LRP1B: variants seen among roughly 807,000 people sequenced by gnomAD.
LRP1B encodes low-density lipoprotein receptor-related protein 1B.
LRP1B carries 217 observed loss-of-function variants against 556.6 expected under a neutral mutation model. The observed-to-expected ratio is 0.39, with a 90% CI of 0.35 to 0.44. The LOEUF is 0.44. Ranked by LOEUF, LRP1B falls within the 20% of genes least tolerant of loss-of-function variation. The pLI is 1.00. For synonymous variants in LRP1B, 2,047 were observed against 1,865.8 expected (o/e 1.10, Z -2.50); for missense variants, 5,053 against 5,620.8 (o/e 0.90, Z 3.23).
intron 18 of LRP1B, among the ~76,000 whole-genome samples, chr2:140,976,503 C>CTTTTTTTTTTTT (rs1216208854): frequency 1.9e-5 from 2 of 105,356 alleles, no homozygotes; most frequent in African/African-American, 4.0e-5. Context: ...TTTTTTTTTC[C>CTTTTTTTTTTTT]TTTTTTTTTT....
intron 7 of LRP1B, among the ~76,000 whole-genome samples, chr2:141,094,650 A>G (rs1228514805): frequency 2.2e-4 from 34 of 152,306 alleles, no homozygotes; most frequent in Admixed American, 2.2e-3. Context: ...CTTCTCTAAG[A>G]TGTGGCATTG....
intron 11 of LRP1B, among the ~76,000 whole-genome samples, chr2:141,042,286 TTG>T (rs1698724932): frequency 6.6e-6 from 1 of 152,210 alleles, no homozygotes; most frequent in East Asian, 1.9e-4. Flanking sequence ...GGCATGCTTA[TTG>T]TTAAGAGAAA....
intron 35 of LRP1B, among the ~76,000 whole-genome samples, chr2:140,754,038 C>T (rs575529629): frequency 6.6e-6 from 1 of 152,248 alleles, no homozygotes; most frequent in African/African-American, 2.4e-5. Context: ...AACATCCTGC[C>T]TACTGCCAGA....
chr2:141,918,299 G>C (rs1700091764), intron 1 of LRP1B, among the ~76,000 whole-genome samples: 1 of 151,812 alleles, frequency 6.6e-6, no homozygotes, highest in Non-Finnish European at 1.5e-5. Flanking sequence ...CCTAAAAAAA[G>C]AAAATCAACT....
At chr2:140,829,087 G>A (rs1351702110) in intron 31 of LRP1B, among the ~76,000 whole-genome samples, 1 of 151,986 alleles carries the variant, frequency 6.6e-6, no homozygotes, top group Non-Finnish European at 1.5e-5. Flanking sequence ...TTTAACAATT[G>A]TAAATATATA....
At chr2:141,519,172 A>G (rs1397389356) in intron 2 of LRP1B, among the ~76,000 whole-genome samples, 1 of 151,858 alleles carries the variant, frequency 6.6e-6, no homozygotes, top group Non-Finnish European at 1.5e-5. Context: ...TACATTAGCT[A>G]AAAGGATTCA....
chr2:140,404,718 CAAGAT>C (rs2105235171), intron 66 of LRP1B, among the ~76,000 whole-genome samples: 1 of 152,144 alleles, frequency 6.6e-6, no homozygotes, highest in Admixed American at 6.5e-5. Context: ...CATATAAACT[CAAGAT>C]AAGGGGTAAA....
intron 14 of LRP1B, among the ~76,000 whole-genome samples, chr2:141,009,191 T>C (rs1301880984): frequency 6.7e-6 from 1 of 149,470 alleles, no homozygotes; most frequent in Non-Finnish European, 1.5e-5. Flanking sequence ...GGGATTCTCT[T>C]TTTTTTTTTT....
At chr2:142,038,585 T>C (rs1484774957) in intron 1 of LRP1B, among the ~76,000 whole-genome samples, 1 of 151,600 alleles carries the variant, frequency 6.6e-6, no homozygotes, top group Admixed American at 6.6e-5. Context: ...TAAGTTTCAC[T>C]TGACATGGGA....
intron 68 of LRP1B, 45 bp from the exon 69 acceptor site, chr2:140,373,182 A>C: frequency 6.6e-7 from 1 of 1,504,346 alleles, no homozygotes; most frequent in Non-Finnish European, 9.2e-7. Flanking sequence ...AATTTTAGAA[A>C]CACTTCTACA....
At chr2:141,976,206 T>G (rs1277167876) in intron 1 of LRP1B, among the ~76,000 whole-genome samples, 1 of 152,248 alleles carries the variant, frequency 6.6e-6, no homozygotes, top group East Asian at 1.9e-4. Flanking sequence ...TATAGGAATA[T>G]TTTTTGATTG....
rs1700323429 is a variant in LRP1B at position 141,096,661 on chromosome 2, A to AGAGAGAGAGAGAGAGAGG, written c.1014-34389_1014-34388insCCTCTCTCTCTCTCTCTC. On this transcript the variant is annotated intron_variant, in intron 7 of 90. Transcript: ENST00000389484. ...GAGAGAGAGAGAGAGAGAGAGAGAG[A>AGAGAGAGAGAGAGAGAGG]GAGAGAGAGAGAGAGAGAGAGAGAG... Among the ~76,000 whole-genome samples, 9 of 84,724 alleles carry AGAGAGAGAGAGAGAGAGG rather than the reference A, an allele frequency of 1.1e-4. 1 individual carries two copies. The highest frequency in any genetic ancestry group is 8.3e-4 in the South Asian group (2 of 2,408). The allele number at this position is 84,724 out of a possible 152,430, so 55.6% of individuals were successfully genotyped here.
chr2:141,862,289 A>G (rs1418425232), intron 1 of LRP1B, among the ~76,000 whole-genome samples: 1 of 152,204 alleles, frequency 6.6e-6, no homozygotes, highest in Non-Finnish European at 1.5e-5. Flanking sequence ...TGGTCTTTGT[A>G]TAGCTAATAT....
At chr2:141,688,784 T>A (rs558336447) in intron 2 of LRP1B, among the ~76,000 whole-genome samples, 4 of 151,832 alleles carry the variant, frequency 2.6e-5, no homozygotes, top group Non-Finnish European at 5.9e-5. Context: ...ACCGTTTCAA[T>A]TGAGAAGTCA....
At chr2:140,727,973 A>G (rs1274761908) in intron 35 of LRP1B, among the ~76,000 whole-genome samples, 1 of 152,206 alleles carries the variant, frequency 6.6e-6, no homozygotes, top group Non-Finnish European at 1.5e-5. Flanking sequence ...CAACCTTGTA[A>G]GTAAATAAAA....
intron 1 of LRP1B, among the ~76,000 whole-genome samples, chr2:141,819,414 TAA>T (rs1437498475): frequency 6.6e-6 from 1 of 152,218 alleles, no homozygotes; most frequent in Non-Finnish European, 1.5e-5. Context: ...GGTTCTGTCT[TAA>T]GACTTCACGT....
chr2:140,701,957 T>C (rs1282630733), intron 39 of LRP1B, 112 bp from the exon 40 acceptor site: 37 of 1,399,258 alleles, frequency 2.6e-5, no homozygotes, highest in Non-Finnish European at 3.7e-5. Context: ...AAACCAACTT[T>C]AGTCTGTGAC....
intron 57 of LRP1B, among the ~76,000 whole-genome samples, chr2:140,488,563 T>C (rs190884956): frequency 1.3e-4 from 20 of 152,150 alleles, no homozygotes; most frequent in Admixed American, 1.1e-3. Context: ...TCTAGGAATC[T>C]TTTAGCTGCA....
intron 35 of LRP1B, among the ~76,000 whole-genome samples, chr2:140,717,784 T>A (rs534247967): frequency 2.6e-5 from 4 of 152,232 alleles, no homozygotes; most frequent in African/African-American, 9.6e-5. Flanking sequence ...GCAATTAGTA[T>A]AATAAAGCCA....
Sources: allele counts gnomAD v4.1 joint callset (sites outside exome capture counted in the v4.1 genomes callset), GRCh38; gene constraint gnomAD v4.1.1; transcripts MANE v1.5; gene names NCBI Gene and HGNC (gene_info 2026-07-23, HGNC 2026-07-21).